The following APP variants were observed in gnomAD, a reference collection of about 807,000 sequenced individuals.
APP encodes the protein amyloid beta precursor protein.
APP carries 31 observed loss-of-function variants against 101.4 expected under a neutral mutation model. The observed-to-expected ratio is 0.31, with a 90% CI of 0.23 to 0.41. The LOEUF is 0.41. Ranked by LOEUF, APP falls within the 10% of genes least tolerant of loss-of-function variation. The pLI is 1.00. For synonymous variants in APP, 366 were observed against 364.4 expected, an observed-to-expected ratio of 1.00 and a Z score of -0.05; for missense variants, 839 against 1,003.7, an observed-to-expected ratio of 0.84 and a Z score of 2.22.
chr21:25,958,524 G>A (rs572813299), intron 11 of APP, among the ~76,000 whole-genome samples: 37 of 149,558 alleles, frequency 2.5e-4, no homozygotes, highest in Non-Finnish European at 4.7e-4. Flanking sequence ...TGATCTGCCC[G>A]CCTTGGCCTC....
chr21:26,156,653 C>T (rs1361681737), intron 1 of APP, among the ~76,000 whole-genome samples: 5 of 152,144 alleles, frequency 3.3e-5, no homozygotes, highest in African/African-American at 2.4e-5. Flanking sequence ...TATGATAGCT[C>T]AAATATTTTC....
chr21:26,024,236 AC>A (rs1180676671), intron 5 of APP, among the ~76,000 whole-genome samples: 1 of 152,134 alleles, frequency 6.6e-6, no homozygotes, highest in African/African-American at 2.4e-5. Context: ...TGGGGCAACT[AC>A]CACAGGTCTA....
intron 6 of APP, among the ~76,000 whole-genome samples, chr21:26,004,790 T>A (rs901658660): frequency 1.3e-5 from 2 of 151,698 alleles, no homozygotes; most frequent in Non-Finnish European, 2.9e-5. Flanking sequence ...TCCTGATGCT[T>A]TCCCTCCCCC....
intron 8 of APP, among the ~76,000 whole-genome samples, chr21:25,982,830 C>T (rs2042487426): frequency 6.6e-6 from 1 of 152,168 alleles, no homozygotes; most frequent in East Asian, 1.9e-4. Context: ...TACTATTTTG[C>T]AATTTTGAAA....
intron 3 of APP, among the ~76,000 whole-genome samples, chr21:26,059,698 G>A (rs2046188770): frequency 6.6e-6 from 1 of 152,008 alleles, no homozygotes; most frequent in African/African-American, 2.4e-5. Context: ...AGACCAGTCT[G>A]GCTAATATGG....
intron 2 of APP, among the ~76,000 whole-genome samples, chr21:26,110,192 C>G (rs985713656): frequency 2.6e-5 from 4 of 152,194 alleles, no homozygotes; most frequent in Admixed American, 6.5e-5. Flanking sequence ...CGGCTATAAT[C>G]CCAGCACTTT....
intron 13 of APP, among the ~76,000 whole-genome samples, chr21:25,935,712 C>T (rs779588949): frequency 5.9e-5 from 9 of 151,822 alleles, no homozygotes; most frequent in South Asian, 4.2e-4. Flanking sequence ...TGGTGGTGCG[C>T]GCCTATAATC....
intron 17 of APP, 129 bp from the exon 18 acceptor site, chr21:25,881,900 T>G (rs2037011402): frequency 1.1e-6 from 1 of 947,284 alleles, no homozygotes; most frequent in Non-Finnish European, 1.6e-6. Context: ...CCCATAATTT[T>G]CTCCCCCACT....
At chr21:26,165,280 C>T (rs1427968935) in intron 1 of APP, among the ~76,000 whole-genome samples, 1 of 152,218 alleles carries the variant, frequency 6.6e-6, no homozygotes. Flanking sequence ...CAGCAACTAA[C>T]ACACAGTGCT....
intron 1 of APP, among the ~76,000 whole-genome samples, chr21:26,153,967 T>C (rs2063326978): frequency 6.6e-6 from 1 of 152,198 alleles, no homozygotes; most frequent in Non-Finnish European, 1.5e-5. Context: ...CTTCACGTTG[T>C]AAAGCAAATA....
At chr21:26,089,404 G>C (rs189334287) in intron 3 of APP, 1 of 150,716 alleles carries the variant, frequency 6.6e-6, no homozygotes, top group Admixed American at 6.6e-5. Flanking sequence ...TTAGTAATCA[G>C]ACTGTTTCCT....
At chr21:26,026,875 G>A (rs2044601250) in intron 5 of APP, among the ~76,000 whole-genome samples, 1 of 152,172 alleles carries the variant, frequency 6.6e-6, no homozygotes, top group Non-Finnish European at 1.5e-5. Flanking sequence ...GTCAGTGTAG[G>A]TTCACTGATT....
intron 6 of APP, among the ~76,000 whole-genome samples, chr21:26,012,460 A>T (rs187013627): frequency 6.6e-6 from 1 of 152,174 alleles, no homozygotes; most frequent in East Asian, 1.9e-4. Context: ...AGAATCACAA[A>T]AAGTCAGGCA....
At chr21:26,086,389 C>T (rs186045679) in intron 3 of APP, among the ~76,000 whole-genome samples, 11 of 152,158 alleles carry the variant, frequency 7.2e-5, no homozygotes, top group African/African-American at 2.4e-4. Context: ...CACATATGTC[C>T]GAGGCAAAAT....
At chr21:26,131,384 TCA>T (rs1217949272) in intron 1 of APP, among the ~76,000 whole-genome samples, 1 of 152,174 alleles carries the variant, frequency 6.6e-6, no homozygotes, top group Non-Finnish European at 1.5e-5. Context: ...ATTTTATTGT[TCA>T]CAGTGATTCT....
In APP at chr21:25,984,950, T is replaced by C. The variant is rs1041068534; in HGVS notation, c.1091-2473A>G. Among the ~76,000 whole-genome samples the C allele has an allele frequency of 3.3e-5, 5 of 152,176 alleles. No individual in the cohort carries two copies. The East Asian group carries it at 9.6e-4, about 29-fold the overall frequency. ...TAACATAAGCACCCCTTTGGAAAAC[T>C]GGAATCATAAAACTTACTATATAAG... is the stretch of plus-strand genomic sequence containing the variant. On this transcript the variant is annotated intron_variant, in intron 8 of 17. Coordinates refer to ENST00000346798, the MANE Select transcript of APP (RefSeq NM_000484.4).
intron 6 of APP, among the ~76,000 whole-genome samples, chr21:26,002,837 C>T (rs1436358829): frequency 6.6e-6 from 1 of 151,902 alleles, no homozygotes; most frequent in South Asian, 2.1e-4. Context: ...CCACGGGCCT[C>T]GCAGTGAACA....
chr21:25,889,394 T>C (rs1179020994), intron 17 of APP, among the ~76,000 whole-genome samples: 1 of 152,140 alleles, frequency 6.6e-6, no homozygotes, highest in African/African-American at 2.4e-5. Flanking sequence ...ACTCCAGAAA[T>C]GTGAGAGGGT....
At chr21:25,889,934 AATTACTC>A (rs1415052511) in intron 17 of APP, among the ~76,000 whole-genome samples, 1 of 152,246 alleles carries the variant, frequency 6.6e-6, no homozygotes, top group Non-Finnish European at 1.5e-5. Context: ...AGGGGTCTTG[AATTACTC>A]AAGTATGAAG....
Sources: allele counts gnomAD v4.1 joint callset (sites outside exome capture counted in the v4.1 genomes callset), GRCh38; gene constraint gnomAD v4.1.1; transcripts MANE v1.5; gene names NCBI Gene and HGNC (gene_info 2026-07-23, HGNC 2026-07-21).